The following CDKAL1 variants were observed in gnomAD, a reference collection of about 807,000 sequenced individuals.
CDKAL1 encodes threonylcarbamoyladenosine tRNA methylthiotransferase.
In CDKAL1, 32 loss-of-function variants were observed where a neutral mutation model predicts 68.2. The ratio of observed to expected loss-of-function variants is 0.47; its 90% CI spans 0.35 to 0.63. The LOEUF is 0.63. CDKAL1 is among the 30% of genes least tolerant of loss of function. The pLI is 0.00. For synonymous variants in CDKAL1, 234 were observed against 244.3 expected, an observed-to-expected ratio of 0.96 and a Z score of 0.39; for missense variants, 606 against 696.7, an observed-to-expected ratio of 0.87 and a Z score of 1.47.
At chr6:21,127,419 A>C (rs532951659) in intron 13 of CDKAL1, among the ~76,000 whole-genome samples, 5 of 152,312 alleles carry the variant, frequency 3.3e-5, no homozygotes, top group African/African-American at 1.2e-4. Flanking sequence ...AGTTAAGTGA[A>C]TGCCAGAAAA....
intron 9 of CDKAL1, among the ~76,000 whole-genome samples, chr6:20,892,578 A>T (rs1388144279): frequency 6.6e-6 from 1 of 152,156 alleles, no homozygotes; most frequent in African/African-American, 2.4e-5. Context: ...CGTATTGTAT[A>T]TTTATATATT....
chr6:21,011,058 G>A (rs1036664331), intron 11 of CDKAL1, among the ~76,000 whole-genome samples: 2 of 145,094 alleles, frequency 1.4e-5, no homozygotes, highest in African/African-American at 5.2e-5. Context: ...CTCCAGCCTG[G>A]GTGACAGAGT....
rs540104431 is a variant in CDKAL1, at chr6:20,621,363, C to T, written c.287-27930C>T. ...ATATCCTGGGTATGTATTGTCAACA[C>T]GATTTATGACTGTTGGTGTTAACCT... On this transcript the variant is annotated intron_variant, in intron 4 of 15. Coordinates refer to ENST00000274695, the MANE Select transcript of CDKAL1 (RefSeq NM_017774.3). 4.6e-5 allele frequency among the ~76,000 whole-genome samples: 7 copies of T among 152,182 alleles called. 1 individual carries two copies. Among genetic ancestry groups the T allele is most frequent in the Middle Eastern group, 6.8e-3 (2 of 294 alleles).
rs1319908126 is a variant in CDKAL1, at chr6:20,929,618, TTTG to T, written c.743-25791_743-25789del. Among the ~76,000 whole-genome samples, 14 of 152,300 alleles carry T rather than the reference TTTG, an allele frequency of 9.2e-5. No homozygotes were observed. In the East Asian group the frequency reaches 2.7e-3, roughly 29 times the overall value. ...AACGTTCAAAAGTGTCAAAATAGATTTTGTTGTTGTTGCAGTTTTGTAATGGGC... is the reference window on the plus strand; with the variant it reads ...AACGTTCAAAAGTGTCAAAATAGATTTTGTTGTTGCAGTTTTGTAATGGGC... On this transcript the variant is annotated intron_variant, in intron 9 of 15. Coordinates refer to ENST00000274695, the MANE Select transcript of CDKAL1 (RefSeq NM_017774.3).
At chr6:20,851,235 G>A (rs905478522) in intron 9 of CDKAL1, among the ~76,000 whole-genome samples, 2 of 152,120 alleles carry the variant, frequency 1.3e-5, no homozygotes, top group African/African-American at 4.8e-5. Context: ...GATTAACAGT[G>A]TTTGGGGGCT....
chr6:20,835,705 G>A (rs1777910655), intron 8 of CDKAL1, among the ~76,000 whole-genome samples: 1 of 151,940 alleles, frequency 6.6e-6, no homozygotes, highest in Admixed American at 6.6e-5. Flanking sequence ...GCGCCACCAG[G>A]CCCAGCTAAT....
chr6:20,769,882 C>T (rs565168406), intron 7 of CDKAL1, among the ~76,000 whole-genome samples: 55 of 152,284 alleles, frequency 3.6e-4, no homozygotes, highest in Admixed American at 1.6e-3. Flanking sequence ...ACCTAGTCCC[C>T]TTGTTCCACA....
intron 7 of CDKAL1, among the ~76,000 whole-genome samples, chr6:20,773,890 C>A (rs1032445296): frequency 2.0e-5 from 3 of 152,038 alleles, no homozygotes; most frequent in Non-Finnish European, 2.9e-5. Context: ...GAATTTTCTG[C>A]CACCCTTCTG....
intron 7 of CDKAL1, among the ~76,000 whole-genome samples, chr6:20,770,692 G>A (rs150501142): frequency 2.1e-3 from 322 of 152,214 alleles, no homozygotes; most frequent in African/African-American, 7.3e-3. Context: ...TTTTGAAGGC[G>A]TGGTCTTTCA....
At chr6:20,926,487 G>A (rs1763194688) in intron 9 of CDKAL1, among the ~76,000 whole-genome samples, 1 of 152,008 alleles carries the variant, frequency 6.6e-6, no homozygotes, top group African/African-American at 2.4e-5. Flanking sequence ...GGAGTTACAA[G>A]GAGAAGAGGC....
At position 21,187,460 on chromosome 6, in the gene CDKAL1, T is replaced by A. The variant is rs377704253; in HGVS notation, c.1300-10561T>A. ...GCTGGAGCTTATCCATCCTTTCTCA[T>A]AATTTAGTATTTGAAAAGAAGCTTT... On this transcript the variant is annotated intron_variant, in intron 13 of 15. Transcript: ENST00000274695. Among the ~76,000 whole-genome samples, 173 of 152,354 alleles carry A rather than the reference T, an allele frequency of 1.1e-3. 4 individuals are homozygous for A. The South Asian group carries it at 0.034, about 30-fold the overall frequency.
At chr6:20,958,284 C>G (rs1764887294) in intron 10 of CDKAL1, among the ~76,000 whole-genome samples, 1 of 152,200 alleles carries the variant, frequency 6.6e-6, no homozygotes, top group Non-Finnish European at 1.5e-5. Context: ...GTTTTAAACT[C>G]TTCCTTTGTT....
chr6:20,780,950 A>T (rs1775399693), intron 7 of CDKAL1, among the ~76,000 whole-genome samples, 195 bp from the exon 8 acceptor site: 1 of 152,192 alleles, frequency 6.6e-6, no homozygotes, highest in African/African-American at 2.4e-5. Flanking sequence ...CTGGGATTAC[A>T]GGTGTGAGCC....
rs1352065445 is a variant in CDKAL1 at position 20,955,404 on chromosome 6, T to C, written c.743-15T>C. 1 of 1,613,434 alleles carries C rather than the reference T, an allele frequency of 6.2e-7. No individual in the cohort carries two copies. Among genetic ancestry groups the C allele is most frequent in the Non-Finnish European group, 8.5e-7 (1 of 1,179,720 alleles). On this transcript the variant is annotated splice_polypyrimidine_tract_variant and intron_variant, in intron 9 of 15. Coordinates refer to ENST00000274695, the MANE Select transcript of CDKAL1 (RefSeq NM_017774.3). ...CTCTGCCACAGATTTGTTAATTATC[T>C]CTTTTGATTCACAGAGGGTGTTTGT... is the stretch of plus-strand genomic sequence containing the variant.
chr6:21,043,735 C>T (rs975238286), intron 11 of CDKAL1, among the ~76,000 whole-genome samples: 1 of 152,084 alleles, frequency 6.6e-6, no homozygotes, highest in Non-Finnish European at 1.5e-5. Flanking sequence ...TTAAAAGTAT[C>T]GTCATGGAAT....
intron 5 of CDKAL1, among the ~76,000 whole-genome samples, chr6:20,699,376 A>G (rs941558731): frequency 4.0e-5 from 6 of 151,300 alleles, no homozygotes; most frequent in Middle Eastern, 3.4e-3. Context: ...TTTTTTAGTT[A>G]CAAGAATGAA....
chr6:20,749,614 C>G (rs1024411612), intron 6 of CDKAL1, among the ~76,000 whole-genome samples: 35 of 151,490 alleles, frequency 2.3e-4, no homozygotes, highest in Non-Finnish European at 4.4e-4. Context: ...GTGGCACGAT[C>G]TCGGCTCACT....
rs541058898 is a variant in CDKAL1 at position 20,942,398 on chromosome 6, G to A, written c.743-13021G>A. On this transcript the variant is annotated intron_variant, in intron 9 of 15. Coordinates refer to ENST00000274695, the MANE Select transcript of CDKAL1 (RefSeq NM_017774.3). Reference sequence around the variant, plus strand: ...TTTTTTTTTTTTGAGATGGAGTTTCGCTATTTTTGCCCAGGTTGGAGGGCA... The same window carrying A: ...TTTTTTTTTTTTGAGATGGAGTTTCACTATTTTTGCCCAGGTTGGAGGGCA... 7.6e-5 allele frequency among the ~76,000 whole-genome samples: 10 copies of A among 131,636 alleles called. No homozygotes were observed. In the South Asian group the frequency reaches 1.2e-3, roughly 16 times the overall value. The allele number at this position is 131,636 out of a possible 152,430, so 86.4% of individuals were successfully genotyped here.
intron 10 of CDKAL1, among the ~76,000 whole-genome samples, chr6:20,965,553 A>G (rs774749834): frequency 7.9e-5 from 12 of 152,208 alleles, no homozygotes; most frequent in Admixed American, 3.3e-4. Context: ...CTCTCACTCT[A>G]ACATACTTGA....
Sources: gnomAD v4.1 joint callset for allele counts (sites outside exome capture counted in the v4.1 genomes callset) on GRCh38, gnomAD v4.1.1 for gene constraint, MANE v1.5 for transcripts, NCBI Gene and HGNC (gene_info 2026-07-23, HGNC 2026-07-21) for gene names.